Variants in DMD observed in about 807,000 individuals in gnomAD.
The protein encoded by DMD is mutant dystrophin.
A neutral mutation model predicts 330.1 loss-of-function variants in DMD; 63 were observed. The ratio of observed to expected loss-of-function variants is 0.19; its 90% CI spans 0.16 to 0.24. DMD has a LOEUF of 0.24. DMD is among the 10% of genes least tolerant of loss of function. DMD has a pLI of 1.00. For synonymous variants in DMD, 1,223 were observed against 959.8 expected, an observed-to-expected ratio of 1.27 and a Z score of -5.07; for missense variants, 3,344 against 2,684.1, an observed-to-expected ratio of 1.25 and a Z score of -5.43.
intron 57 of DMD, among the ~76,000 whole-genome samples, chrX:31,489,929 T>C (rs997777295): frequency 8.9e-6 from 1 of 112,052 alleles, no homozygotes; most frequent in Admixed American, 9.4e-5. Flanking sequence ...TGTAAATTAT[T>C]CACATCTCAT....
intron 9 of DMD, among the ~76,000 whole-genome samples, chrX:32,663,546 T>C (rs772519057): frequency 8.9e-6 from 1 of 111,782 alleles, no homozygotes; most frequent in Non-Finnish European, 1.9e-5. Context: ...GAAAATCATA[T>C]GGAATTCTGG....
intron 2 of DMD, among the ~76,000 whole-genome samples, chrX:32,981,388 G>C (rs754547789): frequency 9.0e-6 from 1 of 111,083 alleles, no homozygotes; most frequent in Admixed American, 9.7e-5. Context: ...GAATGAGTTC[G>C]GGCAAATTTC....
intron 45 of DMD, among the ~76,000 whole-genome samples, chrX:31,948,800 A>C (rs2095121909): frequency 8.9e-6 from 1 of 111,872 alleles, no homozygotes; most frequent in Non-Finnish European, 1.9e-5. Context: ...ACCCAATAAT[A>C]AGCTTTTCTT....
chrX:31,973,241 A>G (rs1023864453), intron 44 of DMD, among the ~76,000 whole-genome samples: 3 of 109,875 alleles, frequency 2.7e-5, no homozygotes, highest in Non-Finnish European at 5.7e-5. Context: ...AAAGATGGCT[A>G]AAATTGGGGA....
intron 42 of DMD, 101 bp from the exon 43 acceptor site, chrX:32,287,802 G>T: frequency 1.8e-6 from 1 of 567,247 alleles, no homozygotes; most frequent in Non-Finnish European, 2.6e-6. Context: ...AGCAAATGGT[G>T]TTGCAATTCT....
chrX:32,001,921 G>T (rs928237691), intron 44 of DMD, among the ~76,000 whole-genome samples: 2 of 111,553 alleles, frequency 1.8e-5, no homozygotes, highest in African/African-American at 6.5e-5. Context: ...ACATTCCCTG[G>T]AAAGTAAACC....
intron 9 of DMD, among the ~76,000 whole-genome samples, chrX:32,674,040 C>A (rs1252220138): frequency 9.0e-6 from 1 of 111,649 alleles, no homozygotes; most frequent in Non-Finnish European, 1.9e-5. Flanking sequence ...TAAAGTAACA[C>A]AAAACCCCAA....
intron 2 of DMD, among the ~76,000 whole-genome samples, chrX:32,861,451 C>G (rs1192258923): frequency 8.9e-6 from 1 of 111,885 alleles, no homozygotes; most frequent in Non-Finnish European, 1.9e-5. Context: ...GAATGACACT[C>G]TCCTTTGAAA....
At chrX:32,585,433 G>T (rs943488210) in intron 13 of DMD, among the ~76,000 whole-genome samples, 29 of 111,012 alleles carry the variant, frequency 2.6e-4, no homozygotes, top group Non-Finnish European at 3.8e-4. Flanking sequence ...CGGGCGTGGT[G>T]GCTCACGCCT....
chrX:31,387,889 A>G (rs753112130), intron 60 of DMD, among the ~76,000 whole-genome samples: 4 of 111,341 alleles, frequency 3.6e-5, no homozygotes, highest in South Asian at 7.6e-4. Flanking sequence ...AATTCCTTCC[A>G]TGAACAACTC....
At chrX:31,728,271 C>T (rs956606452) in intron 52 of DMD, among the ~76,000 whole-genome samples, 4 of 111,983 alleles carry the variant, frequency 3.6e-5, no homozygotes, top group South Asian at 3.7e-4. Context: ...GTGATCCGCC[C>T]GCCTCGGCCT....
Position 31,861,946 on chromosome X carries a change from T to TACACACACACAC in DMD, c.7098+13230_7098+13241dup, listed in dbSNP as rs60169449. ...AAGAGGACAAGAGTAGAAAATAATATACACACACACACACACACACACACA... is the reference window on the plus strand; with the variant it reads ...AAGAGGACAAGAGTAGAAAATAATATACACACACACACACACACACACACACACACACACACA... On this transcript the variant is annotated intron_variant, in intron 48 of 78. Coordinates refer to ENST00000357033, the MANE Select transcript of DMD (RefSeq NM_004006.3). Among the ~76,000 whole-genome samples the TACACACACACAC allele has an allele frequency of 4.8e-4, 42 of 87,959 alleles. 1 individual carries two copies. Among genetic ancestry groups the TACACACACACAC allele is most frequent in the Middle Eastern group, 6.2e-3 (1 of 161 alleles). The allele number at this position is 87,959 out of a possible 115,157, so 76.4% of individuals were successfully genotyped here. A position where few individuals can be genotyped will look rare whatever the true frequency, so the allele number is the denominator to read the frequency against.
chrX:31,132,385 T>C (rs145842875), intron 77 of DMD, among the ~76,000 whole-genome samples: 109 of 111,710 alleles, frequency 9.8e-4, no homozygotes, highest in African/African-American at 3.5e-3. Flanking sequence ...CTAATTAGGG[T>C]GGACCAGAAA....
chrX:31,255,769 C>CTTTTTT (rs146884145), intron 63 of DMD, among the ~76,000 whole-genome samples: 4 of 50,832 alleles, frequency 7.9e-5, no homozygotes, highest in Admixed American at 2.6e-4. Flanking sequence ...AATATCGTTA[C>CTTTTTT]TTTTTTTTTT....
At chrX:31,664,129 C>T (rs2081283301) in intron 53 of DMD, among the ~76,000 whole-genome samples, 2 of 111,448 alleles carry the variant, frequency 1.8e-5, no homozygotes, top group African/African-American at 6.5e-5. Context: ...GTAACACAAG[C>T]AGAGGCTTGA....
intron 62 of DMD, among the ~76,000 whole-genome samples, chrX:31,279,076 C>G (rs765740433): frequency 8.9e-6 from 1 of 112,101 alleles, no homozygotes; most frequent in East Asian, 2.8e-4. Flanking sequence ...CAGAAGGAAA[C>G]CCACAATCTT....
chrX:32,554,991 G>A (rs1165395596), intron 16 of DMD, among the ~76,000 whole-genome samples: 2 of 108,127 alleles, frequency 1.8e-5, no homozygotes, highest in Non-Finnish European at 3.9e-5. Flanking sequence ...GAGAAAGAAA[G>A]AGAGAAAGAA....
intron 1 of DMD, among the ~76,000 whole-genome samples, chrX:33,259,597 G>GC (rs34830749): frequency 0.078 from 1,223 of 15,752 alleles, 200 homozygotes; most frequent in African/African-American, 0.26. Context: ...TTTCAAAATC[G>GC]CCCCCCCCCC....
chrX:32,091,366 T>C (rs767826449), intron 44 of DMD, among the ~76,000 whole-genome samples: 3 of 112,019 alleles, frequency 2.7e-5, no homozygotes, highest in Admixed American at 9.5e-5. Context: ...ATATAAAACA[T>C]GACTGATAAA....
Sources: gnomAD v4.1 joint callset for allele counts (sites outside exome capture counted in the v4.1 genomes callset) on GRCh38, gnomAD v4.1.1 for gene constraint, MANE v1.5 for transcripts, NCBI Gene and HGNC (gene_info 2026-07-23, HGNC 2026-07-21) for gene names.